TENT4B: variants seen among roughly 807,000 people sequenced by gnomAD.
The protein encoded by TENT4B is terminal nucleotidyltransferase 4B, also known as PAP associated domain containing 5.
TENT4B carries 10 observed loss-of-function variants against 75.0 expected under a neutral mutation model. The observed-to-expected ratio is 0.13, with a 90% confidence interval of 0.08 to 0.23. The LOEUF (loss-of-function observed/expected upper bound fraction) is 0.23, where lower values mean the gene tolerates loss of function less well. Ranked by LOEUF, TENT4B falls within the 10% of genes least tolerant of loss-of-function variation. The pLI is 1.00. For synonymous variants in TENT4B, 350 were observed against 357.7 expected (o/e 0.98, Z 0.24); for missense variants, 579 against 893.8 (o/e 0.65, Z 4.49).
intron 1 of TENT4B, among the ~76,000 whole-genome samples, chr16:50,207,070 T>C (rs200647687): frequency 1.5e-4 from 22 of 147,362 alleles, no homozygotes; most frequent in African/African-American, 5.4e-4. Flanking sequence ...TGCTCTCTCT[T>C]TTTTTTTTTT....
Position 50,233,575 on chromosome 16 carries a change from A to G in TENT4B, c.*4247A>G, listed in dbSNP as rs2032359267. 1 of 984,460 alleles carries G rather than the reference A, an allele frequency of 1.0e-6. No individual in the cohort carries two copies. The highest frequency in any genetic ancestry group is 1.2e-6 in the Non-Finnish European group (1 of 829,192). 61.0% of individuals were successfully genotyped at this position (984,460 alleles called of 1,614,324 possible). ...ATGTTGACAAAATTATTAACCAGAA[A>G]AATTGCTTATAAAGGCTGCTGATCT... On this transcript the variant is annotated 3_prime_UTR_variant, in exon 12 of 12. Coordinates refer to ENST00000561678, the MANE Select transcript of TENT4B (RefSeq NM_001365324.3).
At position 50,234,986 on chromosome 16, in the gene TENT4B, T is replaced by C; in HGVS notation, c.*5658T>C. On this transcript the variant is annotated 3_prime_UTR_variant, in exon 12 of 12. Coordinates refer to ENST00000561678, the MANE Select transcript of TENT4B (RefSeq NM_001365324.3). ...GAGGTGCTGGAGGTTTGAATCATCT[T>C]GAAAACTTTCCAATCTTGTCTAGTT... 1 of 985,884 alleles carries C rather than the reference T, an allele frequency of 1.0e-6. No individual in the cohort carries two copies. The highest frequency in any genetic ancestry group is 1.2e-6 in the Non-Finnish European group (1 of 829,938). The allele number at this position is 985,884 out of a possible 1,614,324, so 61.1% of individuals were successfully genotyped here. A position where few individuals can be genotyped will look rare whatever the true frequency, so the allele number is the denominator to read the frequency against.
Position 50,153,939 on chromosome 16 carries a change from A to G in TENT4B, c.318A>G (p.Leu106=), listed in dbSNP as rs2037832210. The change falls in exon 1 of 12, where the codon CTA becomes CTG. Residue 106 remains leucine (L), a synonymous_variant. Coordinates refer to ENST00000561678, the MANE Select transcript of TENT4B (RefSeq NM_001365324.3). ...LPAEQRDFLP[L]ETTNNNNNHH... The stretch of plus-strand genomic sequence containing the variant: ...CGGAGCAGCGGGACTTCCTGCCCCT[A>G]GAGACGACCAACAACAACAACAACC... 2.0e-6 allele frequency: 3 copies of G among 1,533,178 alleles called. No individual in the cohort carries two copies. The highest frequency in any genetic ancestry group is 2.6e-6 in the Non-Finnish European group (3 of 1,145,832). 95.0% of individuals were successfully genotyped at this position (1,533,178 alleles called of 1,614,324 possible).
At chr16:50,164,079 C>T (rs1230032981) in intron 1 of TENT4B, among the ~76,000 whole-genome samples, 1 of 151,952 alleles carries the variant, frequency 6.6e-6, no homozygotes. Context: ...ATCACTTGAA[C>T]CCGGCCGGTG....
At position 50,153,982 on chromosome 16, in the gene TENT4B, T is replaced by TGGGCCC. The variant is rs1394367438; in HGVS notation, c.363_368dup (p.Ala122_Arg123dup). The TGGGCCC allele has an allele frequency of 6.5e-7, 1 of 1,533,832 alleles. No homozygotes were observed. The highest frequency in any genetic ancestry group is 1.4e-5 in the African/African-American group (1 of 72,802). On this transcript the variant is annotated inframe_insertion, in exon 1 of 12. Transcript: ENST00000561678. ...CAACAACCACCACCAGCCCGGGGCC[T>TGGGCCC]GGGCCCGCCGGGCGGGCTCCTCGGC...
intron 3 of TENT4B, among the ~76,000 whole-genome samples, chr16:50,214,774 GGGATCATGTTGCAAT>G (rs2031463636): frequency 6.6e-6 from 1 of 152,172 alleles, no homozygotes; most frequent in Admixed American, 6.5e-5. Flanking sequence ...AGATGGAAAA[GGGATCATGTTGCAAT>G]GGAATCAATT....
rs2150755880 is a variant in TENT4B, at chr16:50,231,434, AC to A, written c.*2107del. On this transcript the variant is annotated 3_prime_UTR_variant, in exon 12 of 12. Coordinates refer to ENST00000561678, the MANE Select transcript of TENT4B (RefSeq NM_001365324.3). Reference sequence around the variant, plus strand: ...CTTAATACTTGCAGAGATCTATGTTACATTTACCACACTGAAGTTTTTTTTG... The same window carrying A: ...CTTAATACTTGCAGAGATCTATGTTAATTTACCACACTGAAGTTTTTTTTG... 1 of 985,314 alleles carries A rather than the reference AC, an allele frequency of 1.0e-6. No individual in the cohort carries two copies. Among genetic ancestry groups the A allele is most frequent in the South Asian group, 4.7e-5 (1 of 21,274 alleles). The allele number at this position is 985,314 out of a possible 1,614,324, so 61.0% of individuals were successfully genotyped here. A position where few individuals can be genotyped will look rare whatever the true frequency, so the allele number is the denominator to read the frequency against.
intron 5 of TENT4B, 105 bp downstream of exon 5, chr16:50,217,768 C>CTCTCTCTCTCTCTG: frequency 1.6e-6 from 1 of 622,508 alleles, no homozygotes; most frequent in Admixed American, 3.4e-5. Context: ...CTGTCTCTCT[C>CTCTCTCTCTCTCTG]TCTCTCTTTT....
At chr16:50,153,038 T>A, upstream of TENT4B, 3 of 1,511,036 alleles carry the variant, frequency 2.0e-6, no homozygotes, top group Non-Finnish European at 1.8e-6. Flanking sequence ...CCCAGGTACG[T>A]GGGAGCACTC....
At chr16:50,217,726 G>C (rs983892940) in intron 5 of TENT4B, 63 bp downstream of exon 5, 1 of 1,002,602 alleles carries the variant, frequency 1.0e-6, no homozygotes, top group African/African-American at 1.8e-5. Context: ...ATTCTGTTGT[G>C]GTGGTGTTCT....
rs1041480455 is a variant in TENT4B, at chr16:50,225,102, T to C, written c.1617T>C (p.Asn539=). The change falls in exon 10 of 12, where the codon AAT becomes AAC. Residue 539 remains asparagine (N), a synonymous_variant. Transcript: ENST00000561678. ...AATCTTTTGCCACTCTTTCAGGAAA[T>C]GGTGTTACCTTGATAGTAGATACTC... ...KNRPEPSCNG[N]GVTLIVDTQQ... 1 of 1,610,396 alleles carries C rather than the reference T, an allele frequency of 6.2e-7. No individual in the cohort carries two copies. Among genetic ancestry groups the C allele is most frequent in the Non-Finnish European group, 8.5e-7 (1 of 1,177,618 alleles).
chr16:50,163,573 GT>G (rs1309093861), intron 1 of TENT4B, among the ~76,000 whole-genome samples: 3 of 151,234 alleles, frequency 2.0e-5, no homozygotes, highest in Non-Finnish European at 4.4e-5. Flanking sequence ...CTTATTTTTT[GT>G]ATTTTTAGTA....
intron 2 of TENT4B, 40 bp from the exon 3 acceptor site, chr16:50,214,181 T>G: frequency 6.9e-7 from 1 of 1,452,038 alleles, no homozygotes; most frequent in African/African-American, 1.4e-5. Flanking sequence ...TAACAACTTC[T>G]GATAACTCAA....
chr16:50,185,614 G>T (rs2038510864), intron 1 of TENT4B, among the ~76,000 whole-genome samples: 1 of 152,192 alleles, frequency 6.6e-6, no homozygotes, highest in African/African-American at 2.4e-5. Context: ...TTCAGAGTTT[G>T]TTTTTATAAT....
At chr16:50,208,113 C>G (rs73573617) in intron 1 of TENT4B, among the ~76,000 whole-genome samples, 2,485 of 152,268 alleles carry the variant, frequency 0.016, 67 homozygotes, top group African/African-American at 0.056. Context: ...ATTGGATTTC[C>G]TCTTCTGACT....
intron 11 of TENT4B, among the ~76,000 whole-genome samples, chr16:50,228,688 G>C (rs949793740): frequency 9.2e-5 from 14 of 152,248 alleles, no homozygotes; most frequent in African/African-American, 3.1e-4. Context: ...GCCAGACACA[G>C]ACTTATCACA....
chr16:50,176,244 A>C (rs2150689369), intron 1 of TENT4B, among the ~76,000 whole-genome samples: 1 of 151,496 alleles, frequency 6.6e-6, no homozygotes, highest in South Asian at 2.1e-4. Flanking sequence ...CCATGACCAC[A>C]CCCAGCTAAG....
At chr16:50,159,936 C>T (rs868186935) in intron 1 of TENT4B, among the ~76,000 whole-genome samples, 3 of 151,742 alleles carry the variant, frequency 2.0e-5, no homozygotes, top group Non-Finnish European at 4.4e-5. Context: ...TCTTGCTATG[C>T]CACCCAGGCT....
At chr16:50,158,615 C>G (rs2037945347) in intron 1 of TENT4B, among the ~76,000 whole-genome samples, 1 of 152,166 alleles carries the variant, frequency 6.6e-6, no homozygotes, top group Non-Finnish European at 1.5e-5. Context: ...GCCCTGGGTC[C>G]AGAAACTTCT....
Sources: allele counts gnomAD v4.1 joint callset (sites outside exome capture counted in the v4.1 genomes callset), GRCh38; gene constraint gnomAD v4.1.1; transcripts MANE v1.5; gene names NCBI Gene and HGNC (gene_info 2026-07-23, HGNC 2026-07-21).